IGF2R: variants seen among roughly 807,000 people sequenced by gnomAD.
IGF2R encodes the protein insulin like growth factor 2 receptor.
IGF2R carries 91 observed loss-of-function variants against 270.6 expected under a neutral mutation model. That is an observed-to-expected ratio of 0.34 (90% CI 0.28 to 0.40). IGF2R has a LOEUF of 0.40. Among genes scored for constraint, IGF2R ranks in the 10% least tolerant of loss-of-function variants. The probability of loss-of-function intolerance (pLI) is 1.00; values close to 1 mark genes in which losing one functional copy is unlikely to be tolerated. For missense variants in IGF2R, 2,805 were observed against 3,188.3 expected, an observed-to-expected ratio of 0.88 and a Z score of 2.90; for synonymous variants, 1,316 against 1,258.9, an observed-to-expected ratio of 1.05 and a Z score of -0.96.
At chr6:160,103,677 G>T (rs1345447937) in intron 46 of IGF2R, 69 bp from the exon 47 acceptor site, 2 of 1,085,858 alleles carry the variant, frequency 1.8e-6, no homozygotes, top group African/African-American at 3.1e-5. Context: ...GGGTGGGGCT[G>T]GCGGGGGTGG....
chr6:160,024,428 C>T lies in IGF2R; in HGVS notation c.514-144C>T, dbSNP rs925974341. 5.4e-6 allele frequency: 4 copies of T among 738,738 alleles called. No individual in the cohort carries two copies. In the African/African-American group the frequency reaches 7.0e-5, roughly 13 times the overall value. The allele number at this position is 738,738 out of a possible 1,614,324, so 45.8% of individuals were successfully genotyped here. A position where few individuals can be genotyped will look rare whatever the true frequency, so the allele number is the denominator to read the frequency against. ...CAGAGGAGCCAAGACGTTTATTGAC[C>T]TTTGCCTGAGTTCGTTATTAGGGGA... On this transcript the variant is annotated intron_variant, in intron 4 of 47. Coordinates refer to ENST00000356956, the MANE Select transcript of IGF2R (RefSeq NM_000876.4).
chr6:160,021,360 G>T (rs1445535410), intron 4 of IGF2R, among the ~76,000 whole-genome samples: 1 of 145,720 alleles, frequency 6.9e-6, no homozygotes, highest in Non-Finnish European at 1.5e-5. Flanking sequence ...ACCAAACATC[G>T]TATGTTCTCA....
At chr6:160,079,885 C>A in intron 38 of IGF2R, 98 bp downstream of exon 38, 2 of 1,153,988 alleles carry the variant, frequency 1.7e-6, no homozygotes, top group South Asian at 1.6e-5. Flanking sequence ...GCTCCACGGT[C>A]CTATGAGTGC....
intron 4 of IGF2R, 44 bp downstream of exon 4, chr6:160,010,829 G>A: frequency 1.7e-6 from 2 of 1,150,754 alleles, no homozygotes; most frequent in Admixed American, 1.8e-5. Context: ...AGTATACTCT[G>A]GGGAACTTTA....
At chr6:160,028,637 G>C (rs995084895) in intron 6 of IGF2R, among the ~76,000 whole-genome samples, 2 of 152,360 alleles carry the variant, frequency 1.3e-5, no homozygotes. Context: ...AACCCTGGTG[G>C]TGGGGGCCAT....
In IGF2R at chr6:160,047,275, G is replaced by C. The variant is rs779865617; in HGVS notation, c.2168G>C (p.Arg723Thr). 2.2e-5 allele frequency: 35 copies of C among 1,612,850 alleles called. No individual in the cohort carries two copies. Among genetic ancestry groups the C allele is most frequent in the Non-Finnish European group, 2.8e-5 (33 of 1,179,866 alleles). ...TPYNNERHTP[R>T]ATLITFLCDR... is the part of the protein sequence containing the mutation. Reference sequence around the variant, plus strand: ...TATAACAATGAAAGACACACACCGAGAGCTACGCTCATCACCTTTCTCTGT... The same window carrying C: ...TATAACAATGAAAGACACACACCGACAGCTACGCTCATCACCTTTCTCTGT... Residue 723 changes from arginine to threonine, a missense_variant, in exon 16 of 48, where the codon AGA becomes ACA. By Grantham distance (71) the Arg-to-Thr change is moderately conservative. Coordinates refer to ENST00000356956, the MANE Select transcript of IGF2R (RefSeq NM_000876.4).
At chr6:160,100,306 A>G (rs1362723668) in intron 45 of IGF2R, among the ~76,000 whole-genome samples, 4 of 152,308 alleles carry the variant, frequency 2.6e-5, no homozygotes, top group African/African-American at 9.6e-5. Flanking sequence ...AAGATATACC[A>G]GAAAATAATC....
intron 11 of IGF2R, among the ~76,000 whole-genome samples, chr6:160,042,551 C>T (rs1484147062): frequency 6.6e-6 from 1 of 152,210 alleles, no homozygotes; most frequent in East Asian, 1.9e-4. Context: ...GGTGCCCCCT[C>T]ACGTCCTGCA....
At chr6:160,002,126 C>T (rs779915987) in intron 2 of IGF2R, among the ~76,000 whole-genome samples, 1 of 152,144 alleles carries the variant, frequency 6.6e-6, no homozygotes, top group Non-Finnish European at 1.5e-5. Context: ...TGTGGTGGCT[C>T]ACACCTGTAA....
At chr6:160,063,712 C>T (rs1255691720) in intron 27 of IGF2R, 82 bp downstream of exon 27, 3 of 1,031,910 alleles carry the variant, frequency 2.9e-6, no homozygotes, top group East Asian at 2.6e-5. Flanking sequence ...TGAATTTTCC[C>T]TTGAGTCAGA....
intron 44 of IGF2R, among the ~76,000 whole-genome samples, chr6:160,091,508 T>A (rs1423538067): frequency 6.6e-6 from 1 of 152,232 alleles, no homozygotes; most frequent in East Asian, 1.9e-4. Flanking sequence ...CCCTGGTGCA[T>A]CTGCTCATAG....
chr6:160,065,929 C>T (rs957226378), intron 29 of IGF2R, among the ~76,000 whole-genome samples: 3 of 148,598 alleles, frequency 2.0e-5, no homozygotes, highest in African/African-American at 5.0e-5. Flanking sequence ...ACCTCCTCCT[C>T]CCTGGTTCAA....
At chr6:160,054,840 AT>A (rs1778275788) in intron 19 of IGF2R, among the ~76,000 whole-genome samples, 1 of 152,186 alleles carries the variant, frequency 6.6e-6, no homozygotes, top group South Asian at 2.1e-4. Flanking sequence ...TATCAACTAA[AT>A]TATTAACAAT....
chr6:160,038,505 G>A (rs577641260), intron 10 of IGF2R, among the ~76,000 whole-genome samples: 7 of 152,310 alleles, frequency 4.6e-5, no homozygotes, highest in South Asian at 2.1e-4. Context: ...GTACTAGGAC[G>A]ATTTGTAGTA....
chr6:160,059,168 T>C, intron 22 of IGF2R, 70 bp downstream of exon 22: 3 of 1,314,252 alleles, frequency 2.3e-6, no homozygotes, highest in Non-Finnish European at 3.2e-6. Flanking sequence ...CCATGCACCT[T>C]CCTGAGTGTA....
chr6:160,061,953 A>G, intron 25 of IGF2R, 25 bp downstream of exon 25: 3 of 1,607,342 alleles, frequency 1.9e-6, no homozygotes, highest in Non-Finnish European at 2.6e-6. Context: ...CAGCAATGAG[A>G]TGTTGTCCCC....
At chr6:160,071,260 G>A (rs76732098) in intron 31 of IGF2R, among the ~76,000 whole-genome samples, 4,176 of 104,318 alleles carry the variant, frequency 0.04, 93 homozygotes, top group East Asian at 0.16. Flanking sequence ...TGTGCCCAGG[G>A]CCCAGGAGGC....
At position 160,040,709 on chromosome 6, in the gene IGF2R, C is replaced by T. The variant is rs1562353292; in HGVS notation, c.1465C>T (p.Leu489=). The part of the protein sequence containing the change: ...DGKKRYDLSA[L]VRHAEPEQNW... ...GAAGAAGCGCTATGACCTGTCCGCG[C>T]TGGTCCGCCATGCAGGTACTGCCCT... The change falls in exon 11 of 48, where the codon CTG becomes TTG. Residue 489 remains leucine, a synonymous_variant. Transcript: ENST00000356956. 2 of 1,613,974 alleles carry T rather than the reference C, an allele frequency of 1.2e-6. No individual in the cohort carries two copies. The highest frequency in any genetic ancestry group is 1.7e-5 in the Admixed American group (1 of 60,008).
In IGF2R at chr6:160,029,648, G is replaced by A. The variant is rs370150079; in HGVS notation, c.875G>A (p.Arg292Gln). The A allele has an allele frequency of 4.5e-5, 72 of 1,610,270 alleles. No homozygotes were observed. The highest frequency in any genetic ancestry group is 1.1e-4 in the African/African-American group (8 of 74,952). ...VTITFVCPSE[R>Q]REGTIPKLTA... Reference sequence around the variant, plus strand: ...ATTACATTTGTTTGCCCGTCGGAGCGGAGAGAGGTAAGTGACTCGTCTCCT... The same window carrying A: ...ATTACATTTGTTTGCCCGTCGGAGCAGAGAGAGGTAAGTGACTCGTCTCCT... The change falls in exon 7 of 48, where the codon CGG (arginine) becomes CAG (glutamine). Residue 292 changes from arginine (R) to glutamine (Q), a missense_variant. Transcript: ENST00000356956.
Sources: allele counts gnomAD v4.1 joint callset (sites outside exome capture counted in the v4.1 genomes callset), GRCh38; gene constraint gnomAD v4.1.1; transcripts MANE v1.5; gene names NCBI Gene and HGNC (gene_info 2026-07-23, HGNC 2026-07-21).